The following MRPS24 variants were observed in gnomAD, a reference collection of about 807,000 sequenced individuals.
The protein encoded by MRPS24 is small ribosomal subunit protein uS3m.
In MRPS24, 15 loss-of-function variants were observed where a neutral mutation model predicts 21.8. The ratio of observed to expected loss-of-function variants is 0.69; its 90% confidence interval spans 0.46 to 1.06. The LOEUF is 1.06. Ranked by LOEUF, MRPS24 falls within the 50% of genes least tolerant of loss-of-function variation. The probability of loss-of-function intolerance (pLI) is 0.00; values close to 1 mark genes in which losing one functional copy is unlikely to be tolerated. For synonymous variants in MRPS24, 93 were observed against 93.7 expected (o/e 0.99, Z 0.04); for missense variants, 224 against 219.1 (o/e 1.02, Z -0.14).
chr7:43,869,141 C>A lies in MRPS24; in HGVS notation c.109-67G>T. On this transcript the variant is annotated intron_variant, in intron 2 of 3. Transcript: ENST00000317534. The surrounding 1 kb of genome is among the most constrained non-coding windows in gnomAD (Gnocchi z 4.8). ...CAGACCCCTACTTCGCGCCATGTCCCCCCAGTCAGCTGGCACTGTTCCCCG... is the reference window on the plus strand; with the variant it reads ...CAGACCCCTACTTCGCGCCATGTCCACCCAGTCAGCTGGCACTGTTCCCCG... The A allele has an allele frequency of 2.6e-6, 4 of 1,537,140 alleles. No individual in the cohort carries two copies. The highest frequency in any genetic ancestry group is 3.5e-6 in the Non-Finnish European group (4 of 1,145,238).
intron 3 of MRPS24, 48 bp downstream of exon 3, chr7:43,868,915 A>C: frequency 6.3e-7 from 1 of 1,597,420 alleles, no homozygotes; most frequent in Non-Finnish European, 8.6e-7. Context: ...TTTTGTTTAC[A>C]TGACAGTCGG....
chr7:43,869,499 G>T lies in MRPS24; in HGVS notation c.-4C>A. On this transcript the variant is annotated 5_prime_UTR_variant, in exon 1 of 4. Coordinates refer to ENST00000317534, the MANE Select transcript of MRPS24 (RefSeq NM_032014.3). This position sits in a 1 kb window ranked among gnomAD's most constrained non-coding sequence, Gnocchi z 4.8. ...CGCTGCACACGGAGGCCGCCATCTTGGGCCAAGCGGAGCGCGGGACGTACC... is the reference window on the plus strand; with the variant it reads ...CGCTGCACACGGAGGCCGCCATCTTTGGCCAAGCGGAGCGCGGGACGTACC... The T allele has an allele frequency of 6.4e-7, 1 of 1,566,258 alleles. No individual in the cohort carries two copies. The highest frequency in any genetic ancestry group is 2.4e-5 in the East Asian group (1 of 42,340).
Position 43,869,262 on chromosome 7 carries a change from C to CCCCCCCGCCCCCCCG in MRPS24, c.108+45_108+46insCGGGGGGGCGGGGGG. 1 of 1,364,140 alleles carries CCCCCCCGCCCCCCCG rather than the reference C, an allele frequency of 7.3e-7. No individual in the cohort carries two copies. The highest frequency in any genetic ancestry group is 1.5e-5 in the African/African-American group (1 of 66,638). The allele number at this position is 1,364,140 out of a possible 1,614,324, so 84.5% of individuals were successfully genotyped here. A position where few individuals can be genotyped will look rare whatever the true frequency, so the allele number is the denominator to read the frequency against. ...CCCGCACGGCTTCCCCGGCCCCCGG[C>CCCCCCCGCCCCCCCG]CCCCCGGCCCCCAGGCCCCCAGGCC... On this transcript the variant is annotated intron_variant, in intron 2 of 3. Transcript: ENST00000317534. The surrounding 1 kb of genome is among the most constrained non-coding windows in gnomAD (Gnocchi z 4.8).
intron 3 of MRPS24, chr7:43,868,291 AT>A (rs993970485): frequency 2.7e-4 from 41 of 152,274 alleles, no homozygotes; most frequent in African/African-American, 9.9e-4. Context: ...GAAAATGCAA[AT>A]TAAAAAAAAA....
In MRPS24 at chr7:43,868,951, G is replaced by C; in HGVS notation, c.220+12C>G. 1 of 1,612,702 alleles carries C rather than the reference G, an allele frequency of 6.2e-7. No individual in the cohort carries two copies. The highest frequency in any genetic ancestry group is 2.2e-5 in the East Asian group (1 of 44,800). The stretch of plus-strand genomic sequence containing the variant: ...ATTGAGTGCTCCTTTTGGAGGCCTG[G>C]GGTCCGCTCACCTGTGTGCAGCGAC... On this transcript the variant is annotated intron_variant, in intron 3 of 3. Coordinates refer to ENST00000317534, the MANE Select transcript of MRPS24 (RefSeq NM_032014.3).
intron 3 of MRPS24, among the ~76,000 whole-genome samples, chr7:43,867,228 T>C (rs1195367588): frequency 2.0e-5 from 3 of 152,226 alleles, no homozygotes; most frequent in Non-Finnish European, 4.4e-5. Flanking sequence ...AAAAGGAAGA[T>C]GGAGGCCTGA....
chr7:43,868,477 T>G (rs552046303), intron 3 of MRPS24: 2 of 152,736 alleles, frequency 1.3e-5, no homozygotes, highest in South Asian at 4.1e-4. Context: ...TTTTAGTCAG[T>G]AGAAGAATCT....
intron 3 of MRPS24, chr7:43,868,663 T>A: frequency 2.9e-6 from 1 of 348,400 alleles, no homozygotes; most frequent in Non-Finnish European, 5.2e-6. Context: ...AAATTACAGA[T>A]AACTGACAGG....
At position 43,866,941 on chromosome 7, in the gene MRPS24, C is replaced by T. The variant is rs1403565371; in HGVS notation, c.262G>A (p.Glu88Lys). 1 of 1,614,174 alleles carries T rather than the reference C, an allele frequency of 6.2e-7. No individual in the cohort carries two copies. Among genetic ancestry groups the T allele is most frequent in the Admixed American group, 1.7e-5 (1 of 60,026 alleles). Reference protein sequence around the residue: ...GEDHAAERTVEDVFLRKFMWG... With the variant: ...GEDHAAERTVKDVFLRKFMWG... ...ATGAACTTGCGAAGGAAAACATCCT[C>T]CACCGTTCGCTCTGCGGCATGGTCC... is the stretch of plus-strand genomic sequence containing the variant. The change falls in exon 4 of 4, where the codon GAG (glutamate) becomes AAG (lysine). Residue 88 changes from glutamate (E) to lysine (K), a missense_variant. Coordinates refer to ENST00000317534, the MANE Select transcript of MRPS24 (RefSeq NM_032014.3).
Position 43,869,356 on chromosome 7 carries a change from C to T in MRPS24, c.60G>A (p.Glu20=). The change falls in exon 2 of 4, where the codon GAG becomes GAA. Residue 20 remains glutamate (E), a synonymous_variant. Coordinates refer to ENST00000317534, the MANE Select transcript of MRPS24 (RefSeq NM_032014.3). This position sits in a 1 kb window ranked among gnomAD's most constrained non-coding sequence, Gnocchi z 4.8. The part of the protein sequence containing the change: ...LGPRVLSWSR[E]LPCAWRALHT... ...GCAGGGCGCGCCAAGCGCAAGGCAG[C>T]TCTCGGCTCCAGGACAGCACCTGTG... is the stretch of plus-strand genomic sequence containing the variant. The T allele has an allele frequency of 1.3e-6, 2 of 1,549,396 alleles. No individual in the cohort carries two copies. Among genetic ancestry groups the T allele is most frequent in the Non-Finnish European group, 1.7e-6 (2 of 1,146,746 alleles).
Position 43,869,068 on chromosome 7 carries a change from C to A in MRPS24, c.115G>T (p.Ala39Ser). 1 of 1,612,330 alleles carries A rather than the reference C, an allele frequency of 6.2e-7. No homozygotes were observed. The highest frequency in any genetic ancestry group is 8.5e-7 in the Non-Finnish European group (1 of 1,179,958). ...CCCTTGCTTACGCGTACTCGGGCCG[C>A]CCGGTTCTAGGAGCAAAAGGGGCCG... is the stretch of plus-strand genomic sequence containing the variant. ...HTSPVCAKNR[A>S]ARVRVSKGDK... is the part of the protein sequence containing the mutation. Residue 39 changes from alanine (A) to serine (S), a missense_variant, in exon 3 of 4, where the codon GCG becomes TCG. Coordinates refer to ENST00000317534, the MANE Select transcript of MRPS24 (RefSeq NM_032014.3). This position sits in a 1 kb window ranked among gnomAD's most constrained non-coding sequence, Gnocchi z 4.8.
At position 43,869,361 on chromosome 7, in the gene MRPS24, G is replaced by A; in HGVS notation, c.55C>T (p.Arg19Ter). ...GCGCGCCAAGCGCAAGGCAGCTCTC[G>A]GCTCCAGGACAGCACCTGTGGAGGG... is the stretch of plus-strand genomic sequence containing the variant. Reference protein sequence around the residue: ...LLGPRVLSWSRELPCAWRALH... With the variant: ...LLGPRVLSWS Residue 19 changes from arginine to a stop codon, truncating the protein, a stop_gained, in exon 2 of 4, where the codon CGA (arginine) becomes TGA (stop). Transcript: ENST00000317534. LOFTEE classifies it high-confidence loss of function. The surrounding 1 kb of genome is among the most constrained non-coding windows in gnomAD (Gnocchi z 4.8). 1 of 1,549,448 alleles carries A rather than the reference G, an allele frequency of 6.5e-7. No individual in the cohort carries two copies. The highest frequency in any genetic ancestry group is 8.7e-7 in the Non-Finnish European group (1 of 1,146,728).
chr7:43,869,308 C>A lies in MRPS24; in HGVS notation c.108G>T (p.Lys36Asn), dbSNP rs2095838996. 2 of 1,542,410 alleles carry A rather than the reference C, an allele frequency of 1.3e-6. No individual in the cohort carries two copies. The highest frequency in any genetic ancestry group is 1.2e-5 in the South Asian group (1 of 83,910). ...AGGCCCCTGCCCCGGCGGTGCTCACCTTGGCGCAGACCGGGGAGGTGTGCA... is the reference window on the plus strand; with the variant it reads ...AGGCCCCTGCCCCGGCGGTGCTCACATTGGCGCAGACCGGGGAGGTGTGCA... The part of the protein sequence containing the change: ...RALHTSPVCA[K>N]NRAARVRVSK... The change falls in exon 2 of 4, where the codon AAG becomes AAT. Residue 36 changes from lysine to asparagine, a missense_variant and splice_region_variant. Transcript: ENST00000317534. This position sits in a 1 kb window ranked among gnomAD's most constrained non-coding sequence, Gnocchi z 4.8.
chr7:43,867,537 TTTTTTTTTTTG>T, intron 3 of MRPS24: 1 of 97,056 alleles, frequency 1.0e-5, no homozygotes. Flanking sequence ...TTTTTTTTTT[TTTTTTTTTTTG>T]AGATGGAGTC....
At position 43,869,332 on chromosome 7, in the gene MRPS24, C is replaced by T; in HGVS notation, c.84G>A (p.Leu28=). The change falls in exon 2 of 4, where the codon CTG becomes CTA. Residue 28 remains leucine, a synonymous_variant. Transcript: ENST00000317534. The surrounding 1 kb of genome is among the most constrained non-coding windows in gnomAD (Gnocchi z 4.8). ...CCTTGGCGCAGACCGGGGAGGTGTG[C>T]AGGGCGCGCCAAGCGCAAGGCAGCT... is the stretch of plus-strand genomic sequence containing the variant. ...SRELPCAWRA[L]HTSPVCAKNR... is the part of the protein sequence containing the mutation. 6.5e-7 allele frequency: 1 copy of T among 1,530,678 alleles called. No individual in the cohort carries two copies. The allele number at this position is 1,530,678 out of a possible 1,614,324, so 94.8% of individuals were successfully genotyped here.
intron 3 of MRPS24, 179 bp downstream of exon 3, chr7:43,868,784 T>G (rs1192319570): frequency 2.3e-5 from 17 of 736,770 alleles, no homozygotes; most frequent in Non-Finnish European, 3.4e-5. Context: ...ATCTTCAAAT[T>G]TGTTTCAACA....
chr7:43,868,675 A>T, intron 3 of MRPS24: 1 of 371,580 alleles, frequency 2.7e-6, no homozygotes, highest in East Asian at 5.0e-5. Context: ...ACTGACAGGA[A>T]TGCAAAATAA....
rs764871060 is a variant in MRPS24, at chr7:43,869,262, C to T, written c.108+46G>A. 2.1e-5 allele frequency: 28 copies of T among 1,364,052 alleles called. 1 individual carries two copies. Among genetic ancestry groups the T allele is most frequent in the Admixed American group, 5.1e-5 (2 of 39,138 alleles). 84.5% of individuals were successfully genotyped at this position (1,364,052 alleles called of 1,614,324 possible). A position where few individuals can be genotyped will look rare whatever the true frequency, so the allele number is the denominator to read the frequency against. On this transcript the variant is annotated intron_variant, in intron 2 of 3. Transcript: ENST00000317534. The surrounding 1 kb of genome is among the most constrained non-coding windows in gnomAD (Gnocchi z 4.8). ...CCCGCACGGCTTCCCCGGCCCCCGG[C>T]CCCCCGGCCCCCAGGCCCCCAGGCC... is the stretch of plus-strand genomic sequence containing the variant.
chr7:43,867,516 CTCTCTTTTTTTTT>C (rs2095837309), intron 3 of MRPS24: 1 of 66,286 alleles, frequency 1.5e-5, no homozygotes. Context: ...AAGCATCTCT[CTCTCTTTTTTTTT>C]TTTTTTTTTT....
Sources: allele counts gnomAD v4.1 joint callset (sites outside exome capture counted in the v4.1 genomes callset), GRCh38; gene constraint gnomAD v4.1.1; non-coding constraint Gnocchi (gnomAD v3.1); transcripts MANE v1.5; gene names NCBI Gene and HGNC (gene_info 2026-07-23, HGNC 2026-07-21).